Variants in NBAS observed in about 807,000 individuals in gnomAD.
NBAS encodes NAG/BC035112 fusion.
Under a neutral mutation model 302.5 loss-of-function variants are expected in NBAS, and 219 were observed. That is an observed-to-expected ratio of 0.72 (90% CI 0.65 to 0.81). The LOEUF (loss-of-function observed/expected upper bound fraction) is 0.81, where lower values mean the gene tolerates loss of function less well. Ranked by LOEUF, NBAS falls within the 30% of genes least tolerant of loss-of-function variation. NBAS has a pLI of 0.00. For synonymous variants in NBAS, 1,118 were observed against 1,021.6 expected (o/e 1.09, Z -1.80); for missense variants, 2,932 against 2,841.6 (o/e 1.03, Z -0.72).
Position 15,218,877 on chromosome 2 carries a change from G to A in NBAS, c.6328C>T (p.Leu2110=). Residue 2110 remains leucine, a synonymous_variant, in exon 48 of 52, where the codon CTG becomes TTG. Coordinates refer to ENST00000281513, the MANE Select transcript of NBAS (RefSeq NM_015909.4). ...TGAAATGATTGCCCCAAAATCTGCAGCACGTGAATGCGGGGCCGCACCGGC... is the reference window on the plus strand; with the variant it reads ...TGAAATGATTGCCCCAAAATCTGCAACACGTGAATGCGGGGCCGCACCGGC... ...AWPVRPRIHV[L]QILGQSFHLT... 6.2e-7 allele frequency: 1 copy of A among 1,614,262 alleles called. No individual in the cohort carries two copies. The highest frequency in any genetic ancestry group is 8.5e-7 in the Non-Finnish European group (1 of 1,180,056).
the NBAS span, among the ~76,000 whole-genome samples, chr2:15,101,259 C>T: frequency 3.3e-5 from 5 of 152,004 alleles, no homozygotes; most frequent in African/African-American, 1.2e-4. Flanking sequence ...AATCTTAATG[C>T]TTACTTCAAA....
At chr2:15,051,625 C>T in the NBAS span, among the ~76,000 whole-genome samples, 6 of 152,210 alleles carry the variant, frequency 3.9e-5, no homozygotes, top group South Asian at 8.3e-4. Flanking sequence ...TATTTTACAT[C>T]GCAAACCATT....
the NBAS span, among the ~76,000 whole-genome samples, chr2:14,872,735 T>C: frequency 1.5e-4 from 23 of 152,104 alleles, no homozygotes; most frequent in African/African-American, 4.6e-4. Context: ...ACCCTCGCAG[T>C]GAGTGTTACA....
intron 44 of NBAS, among the ~76,000 whole-genome samples, chr2:15,259,684 T>C (rs765496092): frequency 3.9e-5 from 6 of 152,204 alleles, no homozygotes; most frequent in Non-Finnish European, 7.3e-5. Flanking sequence ...TTGTTCCAAC[T>C]TGCACAACTA....
intron 23 of NBAS, among the ~76,000 whole-genome samples, chr2:15,419,639 T>C (rs1677114923): frequency 6.6e-6 from 1 of 152,142 alleles, no homozygotes; most frequent in Non-Finnish European, 1.5e-5. Context: ...CATATCTTGA[T>C]ACAGATGCCC....
At chr2:15,468,276 G>A in intron 17 of NBAS, 106 bp downstream of exon 17, 1 of 1,368,658 alleles carries the variant, frequency 7.3e-7, no homozygotes, top group Middle Eastern at 1.8e-4. Flanking sequence ...AACTGCTTCA[G>A]TACAGAATAA....
chr2:14,801,615 G>T, the NBAS span, among the ~76,000 whole-genome samples: 3 of 151,756 alleles, frequency 2.0e-5, no homozygotes, highest in Non-Finnish European at 4.4e-5. Flanking sequence ...TCTATTCCCT[G>T]TAATTTTGGT....
intron 49 of NBAS, among the ~76,000 whole-genome samples, chr2:15,189,864 T>C (rs1456115532): frequency 6.6e-6 from 1 of 152,222 alleles, no homozygotes; most frequent in Admixed American, 6.5e-5. Flanking sequence ...GAGTGACTGA[T>C]AATATATGTA....
At chr2:15,368,090 T>C (rs572042587) in intron 31 of NBAS, among the ~76,000 whole-genome samples, 2 of 151,822 alleles carry the variant, frequency 1.3e-5, no homozygotes, top group Non-Finnish European at 1.5e-5. Flanking sequence ...CACACAAATA[T>C]ACATACACAT....
the NBAS span, among the ~76,000 whole-genome samples, chr2:15,118,657 G>A: frequency 6.6e-6 from 1 of 152,156 alleles, no homozygotes; most frequent in Non-Finnish European, 1.5e-5. Context: ...CAGCCCATGT[G>A]GAGTGGCCAC....
At chr2:14,851,022 A>G in the NBAS span, among the ~76,000 whole-genome samples, 6 of 125,268 alleles carry the variant, frequency 4.8e-5, no homozygotes, top group African/African-American at 8.1e-5. Context: ...TAAAAGAACT[A>G]GAAAAGCAAG....
chr2:15,149,796 G>A, the NBAS span, among the ~76,000 whole-genome samples: 1 of 152,072 alleles, frequency 6.6e-6, no homozygotes, highest in Admixed American at 6.5e-5. Flanking sequence ...TTAAACTCTT[G>A]ATTTTTGACA....
At chr2:15,488,769 A>C in intron 12 of NBAS, 125 bp downstream of exon 12, 1 of 1,248,008 alleles carries the variant, frequency 8.0e-7, no homozygotes, top group Admixed American at 1.8e-5. Context: ...AATTTAAAGG[A>C]TAGAAGAGCT....
At chr2:15,162,121 C>T (rs1040719800), downstream of NBAS, among the ~76,000 whole-genome samples, 5 of 152,150 alleles carry the variant, frequency 3.3e-5, no homozygotes. Flanking sequence ...TGCTTAAAGT[C>T]GTATTAGCCA....
chr2:15,072,922 G>A, the NBAS span, among the ~76,000 whole-genome samples: 1 of 152,114 alleles, frequency 6.6e-6, no homozygotes, highest in African/African-American at 2.4e-5. Context: ...TCGAGCTCAG[G>A]AGTTCGAGAC....
chr2:14,956,261 C>T, the NBAS span, among the ~76,000 whole-genome samples: 2 of 152,200 alleles, frequency 1.3e-5, no homozygotes, highest in African/African-American at 4.8e-5. Flanking sequence ...AACATTGCGG[C>T]CAAAGCCATT....
At chr2:15,316,961 C>T (rs969317315) in intron 38 of NBAS, among the ~76,000 whole-genome samples, 6 of 152,266 alleles carry the variant, frequency 3.9e-5, no homozygotes, top group Non-Finnish European at 7.4e-5. Context: ...AACTGGGAGA[C>T]GCTTCCCAGT....
chr2:15,184,080 A>G (rs1664955686), intron 50 of NBAS, among the ~76,000 whole-genome samples: 1 of 152,238 alleles, frequency 6.6e-6, no homozygotes, highest in African/African-American at 2.4e-5. Flanking sequence ...TTACACATTC[A>G]TCAGTAAAAA....
At chr2:14,909,365 C>CAAAAAAAAAAAA in the NBAS span, among the ~76,000 whole-genome samples, 3 of 50,130 alleles carry the variant, frequency 6.0e-5, no homozygotes, top group African/African-American at 4.6e-4. Flanking sequence ...GGGAGAGTTT[C>CAAAAAAAAAAAA]TAAAAAAAAA....
Sources: allele counts gnomAD v4.1 joint callset (sites outside exome capture counted in the v4.1 genomes callset), GRCh38; gene constraint gnomAD v4.1.1; transcripts MANE v1.5; gene names NCBI Gene and HGNC (gene_info 2026-07-23, HGNC 2026-07-21).